MIPOL1: variants seen among roughly 807,000 people sequenced by gnomAD.
MIPOL1 encodes mirror-image polydactyly gene 1 protein.
A neutral mutation model predicts 60.9 loss-of-function variants in MIPOL1; 57 were observed. The observed-to-expected ratio is 0.94, with a 90% CI of 0.76 to 1.17. The LOEUF is 1.17. Among genes scored for constraint, MIPOL1 ranks in the 50% most tolerant of loss-of-function variants. MIPOL1 has a pLI of 0.00. For missense variants in MIPOL1, 551 were observed against 511.6 expected, an observed-to-expected ratio of 1.08 and a Z score of -0.74; for synonymous variants, 179 against 168.8, an observed-to-expected ratio of 1.06 and a Z score of -0.47.
chr14:37,323,768 A>G (rs917336073), intron 9 of MIPOL1, among the ~76,000 whole-genome samples: 6 of 151,914 alleles, frequency 3.9e-5, no homozygotes, highest in Admixed American at 1.3e-4. Flanking sequence ...CCTTCTATCA[A>G]TCATCTCTGC....
intron 10 of MIPOL1, among the ~76,000 whole-genome samples, chr14:37,395,017 A>G (rs1470140101): frequency 1.3e-5 from 2 of 152,102 alleles, no homozygotes; most frequent in East Asian, 3.9e-4. Flanking sequence ...TTTGTTGAAA[A>G]GGGTGTCCTT....
chr14:37,244,612 T>G (rs533261570), intron 1 of MIPOL1, among the ~76,000 whole-genome samples: 15 of 152,210 alleles, frequency 9.9e-5, no homozygotes, highest in Non-Finnish European at 1.9e-4. Context: ...GCAAATTGAT[T>G]TTACTTTGCT....
rs566175642 is a variant in MIPOL1 at position 37,504,474 on chromosome 14, G to T, written c.1262+4336G>T. 7 of 152,096 alleles carry T rather than the reference G, an allele frequency of 4.6e-5. No homozygotes were observed. The East Asian group carries it at 1.4e-3, about 29-fold the overall frequency. The allele number at this position is 152,096 out of a possible 1,614,324, so 9.4% of individuals were successfully genotyped here. A position where few individuals can be genotyped will look rare whatever the true frequency, so the allele number is the denominator to read the frequency against. Reference sequence around the variant, plus strand: ...AACTCACTCAAAACTGAACAACTACGTGGAAACTGAACAATCAGCTCCTGA... The same window carrying T: ...AACTCACTCAAAACTGAACAACTACTTGGAAACTGAACAATCAGCTCCTGA... On this transcript the variant is annotated intron_variant, in intron 12 of 12. Coordinates refer to ENST00000684589, the MANE Select transcript of MIPOL1 (RefSeq NM_001388067.1).
intron 1 of MIPOL1, among the ~76,000 whole-genome samples, chr14:37,234,370 T>G (rs1464679562): frequency 6.6e-6 from 1 of 151,656 alleles, no homozygotes; most frequent in Non-Finnish European, 1.5e-5. Flanking sequence ...TCTTTTTTTT[T>G]TTTTCAGGTG....
At chr14:37,472,989 A>G (rs762953960) in intron 11 of MIPOL1, among the ~76,000 whole-genome samples, 1 of 152,138 alleles carries the variant, frequency 6.6e-6, no homozygotes, top group Non-Finnish European at 1.5e-5. Flanking sequence ...CAATTTAGAC[A>G]CTGCTGTAGC....
chr14:37,496,144 C>A (rs899047293), intron 11 of MIPOL1, among the ~76,000 whole-genome samples: 14 of 151,644 alleles, frequency 9.2e-5, no homozygotes, highest in African/African-American at 3.2e-4. Flanking sequence ...ATTGTTGGGA[C>A]GTATTTCAAA....
At chr14:37,355,546 A>G (rs891679007) in intron 9 of MIPOL1, among the ~76,000 whole-genome samples, 10 of 150,552 alleles carry the variant, frequency 6.6e-5, no homozygotes, top group Admixed American at 6.6e-5. Flanking sequence ...AGGTACACCA[A>G]TGAGACGTAG....
intron 11 of MIPOL1, among the ~76,000 whole-genome samples, chr14:37,471,774 T>C (rs1259238860): frequency 3.9e-5 from 6 of 152,180 alleles, no homozygotes; most frequent in African/African-American, 1.4e-4. Flanking sequence ...TGTTCCTCCC[T>C]GTACCTGAAA....
chr14:37,283,400 G>C (rs1165792343), intron 6 of MIPOL1, among the ~76,000 whole-genome samples: 1 of 151,980 alleles, frequency 6.6e-6, no homozygotes, highest in Non-Finnish European at 1.5e-5. Context: ...ACTGCACCCA[G>C]CCAATATTTT....
At chr14:37,348,654 A>G (rs550121498) in intron 9 of MIPOL1, among the ~76,000 whole-genome samples, 1 of 151,906 alleles carries the variant, frequency 6.6e-6, no homozygotes, top group East Asian at 1.9e-4. Flanking sequence ...GTCAGAAACA[A>G]GAGAAGGATG....
intron 1 of MIPOL1, among the ~76,000 whole-genome samples, chr14:37,230,423 T>TGTG (rs1480443725): frequency 6.6e-6 from 1 of 152,228 alleles, no homozygotes; most frequent in Non-Finnish European, 1.5e-5. Context: ...AAGAGAGTTT[T>TGTG]ACAGTGATGC....
chr14:37,405,951 C>A (rs2093580106), intron 10 of MIPOL1, among the ~76,000 whole-genome samples: 1 of 128,420 alleles, frequency 7.8e-6, no homozygotes, highest in Non-Finnish European at 1.7e-5. Flanking sequence ...TTTTCATATT[C>A]TTTTATACTT....
chr14:37,493,438 C>T (rs1202761163), intron 11 of MIPOL1, among the ~76,000 whole-genome samples: 3 of 151,980 alleles, frequency 2.0e-5, no homozygotes, highest in African/African-American at 7.2e-5. Flanking sequence ...GACCAGGGAA[C>T]GTAGAAACCA....
At position 37,313,295 on chromosome 14, in the gene MIPOL1, C is replaced by T. The variant is rs76986244; in HGVS notation, c.828+4776C>T. The stretch of plus-strand genomic sequence containing the variant: ...ATTGGTGATTTATTAGCTTTGAGGG[C>T]TGACTTTATTGGGAGATACAGTAAT... On this transcript the variant is annotated intron_variant, in intron 9 of 12. Transcript: ENST00000684589. 1.3e-3 allele frequency among the ~76,000 whole-genome samples: 205 copies of T among 152,166 alleles called. 5 individuals are homozygous for T. In the East Asian group the frequency reaches 0.033, roughly 24 times the overall value.
chr14:37,308,227 A>T, intron 8 of MIPOL1, 122 bp from the exon 9 acceptor site: 1 of 1,186,144 alleles, frequency 8.4e-7, no homozygotes, highest in Non-Finnish European at 1.2e-6. Context: ...TTGCTGCAAT[A>T]TGAAAATTCA....
At chr14:37,251,885 G>A (rs1974171092) in intron 3 of MIPOL1, among the ~76,000 whole-genome samples, 1 of 151,764 alleles carries the variant, frequency 6.6e-6, no homozygotes, top group Non-Finnish European at 1.5e-5. Context: ...AATTTTGTAG[G>A]TAAAAATGAG....
intron 7 of MIPOL1, among the ~76,000 whole-genome samples, chr14:37,299,429 T>TA (rs2086152958): frequency 6.8e-6 from 1 of 146,066 alleles, no homozygotes; most frequent in South Asian, 2.3e-4. Flanking sequence ...CCCTAAAACT[T>TA]AAAGTATAAT....
chr14:37,405,900 G>GT (rs57253765), intron 10 of MIPOL1, among the ~76,000 whole-genome samples: 28,691 of 140,536 alleles, frequency 0.2, 5,628 homozygotes, highest in African/African-American at 0.51. Context: ...TTTTTTAAGA[G>GT]TTTTTTTTTT....
chr14:37,440,737 C>G (rs570643586), intron 11 of MIPOL1, among the ~76,000 whole-genome samples: 2 of 152,036 alleles, frequency 1.3e-5, no homozygotes, highest in African/African-American at 4.8e-5. Context: ...GATAAACATA[C>G]GAGTGCAATG....
Sources: gnomAD v4.1 joint callset for allele counts (sites outside exome capture counted in the v4.1 genomes callset) on GRCh38, gnomAD v4.1.1 for gene constraint, MANE v1.5 for transcripts, NCBI Gene and HGNC (gene_info 2026-07-23, HGNC 2026-07-21) for gene names.